The following ZNF268 variants were observed in gnomAD, a reference collection of about 807,000 sequenced individuals.
ZNF268 encodes zinc finger protein 268.
A neutral mutation model predicts 29.3 loss-of-function variants in ZNF268; 20 were observed. The observed-to-expected ratio is 0.68, with a 90% CI of 0.48 to 0.99. The LOEUF (loss-of-function observed/expected upper bound fraction) is 0.99, where lower values mean the gene tolerates loss of function less well. Among genes scored for constraint, ZNF268 ranks in the 50% least tolerant of loss-of-function variants. The probability of loss-of-function intolerance (pLI) is 0.00; values close to 1 mark genes in which losing one functional copy is unlikely to be tolerated. For synonymous variants in ZNF268, 429 were observed against 376.9 expected (o/e 1.14, Z -1.60); for missense variants, 1,240 against 1,121.6 (o/e 1.11, Z -1.51).
At chr12:133,183,088 G>T (rs938322915) in intron 2 of ZNF268, among the ~76,000 whole-genome samples, 3 of 152,162 alleles carry the variant, frequency 2.0e-5, no homozygotes, top group African/African-American at 7.2e-5. Flanking sequence ...GATCTAGGTT[G>T]CGCACTTCTT....
At position 133,210,204 on chromosome 12, in the gene ZNF268, C is replaced by T. The variant is rs530073540; in HGVS notation, c.*5674C>T. ...TGAGATGACATCGCCCCAGATTGGT[C>T]CGGAAAGTGCACTGGTCGTCACTGT... On this transcript the variant is annotated 3_prime_UTR_variant, in exon 6 of 6. Coordinates refer to ENST00000536435, the MANE Select transcript of ZNF268 (RefSeq NM_003415.3). 1.3e-5 allele frequency: 2 copies of T among 152,538 alleles called. No individual in the cohort carries two copies. The highest frequency in any genetic ancestry group is 3.9e-4 in the East Asian group (2 of 5,184). 9.4% of individuals were successfully genotyped at this position (152,538 alleles called of 1,614,324 possible).
chr12:133,200,522 G>A (rs1023877296), intron 5 of ZNF268, among the ~76,000 whole-genome samples: 5 of 152,150 alleles, frequency 3.3e-5, no homozygotes, highest in African/African-American at 1.2e-4. Flanking sequence ...GGGGTGGAGA[G>A]TTCTGTAGAT....
At position 133,203,190 on chromosome 12, in the gene ZNF268, T is replaced by C; in HGVS notation, c.1504T>C (p.Cys502Arg). The change falls in exon 6 of 6, where the codon TGC becomes CGC. Residue 502 changes from cysteine to arginine, a missense_variant. By Grantham distance (180) the Cys-to-Arg change is radical. Coordinates refer to ENST00000536435, the MANE Select transcript of ZNF268 (RefSeq NM_003415.3). ...RSHTGMKPYV[C>R]NECGKAFRSK... ...TCACACAGGAATGAAACCTTATGTATGCAATGAATGTGGCAAAGCCTTCAG... is the reference window on the plus strand; with the variant it reads ...TCACACAGGAATGAAACCTTATGTACGCAATGAATGTGGCAAAGCCTTCAG... 1 of 1,537,840 alleles carries C rather than the reference T, an allele frequency of 6.5e-7. No homozygotes were observed. The highest frequency in any genetic ancestry group is 8.7e-7 in the Non-Finnish European group (1 of 1,146,842).
chr12:133,187,452 C>G (rs1956350945), intron 2 of ZNF268, among the ~76,000 whole-genome samples: 1 of 151,760 alleles, frequency 6.6e-6, no homozygotes, highest in South Asian at 2.1e-4. Flanking sequence ...TTTATGTGGT[C>G]AGATATTTTG....
At chr12:133,181,749 T>C in intron 1 of ZNF268, 63 bp downstream of exon 1, 1 of 555,704 alleles carries the variant, frequency 1.8e-6, no homozygotes, top group Non-Finnish European at 3.2e-6. Context: ...CTTAGCTCTC[T>C]CCTGCTGCTG....
chr12:133,182,920 C>G (rs1352966933), intron 2 of ZNF268, among the ~76,000 whole-genome samples: 2 of 152,202 alleles, frequency 1.3e-5, no homozygotes, highest in African/African-American at 4.8e-5. Context: ...AACCCCCACG[C>G]TTCAGACTGG....
chr12:133,184,758 A>G (rs968383216), intron 2 of ZNF268: 19 of 445,650 alleles, frequency 4.3e-5, no homozygotes, highest in Non-Finnish European at 7.7e-5. Flanking sequence ...CTGGGATTAC[A>G]GGTGCGCACC....
chr12:133,194,529 G>A (rs1465522301), intron 5 of ZNF268, among the ~76,000 whole-genome samples: 11 of 152,164 alleles, frequency 7.2e-5, no homozygotes, highest in Admixed American at 2.6e-4. Context: ...CTTCACACAC[G>A]AGTCTGTCAG....
chr12:133,192,751 G>A (rs1235542312), intron 5 of ZNF268, among the ~76,000 whole-genome samples: 1 of 151,744 alleles, frequency 6.6e-6, no homozygotes, highest in Admixed American at 6.6e-5. Flanking sequence ...CTCACTGCAA[G>A]CTCTGCCTCC....
intron 1 of ZNF268, 45 bp downstream of exon 1, chr12:133,181,731 T>G: frequency 2.0e-6 from 1 of 503,366 alleles, no homozygotes; most frequent in Non-Finnish European, 3.6e-6. Context: ...GGGACAGAAC[T>G]AATCTGCCTT....
At chr12:133,191,331 A>G in intron 3 of ZNF268, 158 bp from the exon 4 acceptor site, 1 of 800,740 alleles carries the variant, frequency 1.2e-6, no homozygotes, top group Non-Finnish European at 1.9e-6. Context: ...AAAAAAAAAA[A>G]AGAAAGAAAG....
At position 133,191,483 on chromosome 12, in the gene ZNF268, T is replaced by C. The variant is rs772282114; in HGVS notation, c.235-6T>C. ...CTTGAAATTGGATGAGCATATTGTATTTCAGGGACCTTTGTCATTCATGGA... is the reference window on the plus strand; with the variant it reads ...CTTGAAATTGGATGAGCATATTGTACTTCAGGGACCTTTGTCATTCATGGA... On this transcript the variant is annotated splice_polypyrimidine_tract_variant and splice_region_variant and intron_variant, in intron 3 of 5. Transcript: ENST00000536435. 1.4e-5 allele frequency: 22 copies of C among 1,613,872 alleles called. No homozygotes were observed. Among genetic ancestry groups the C allele is most frequent in the Non-Finnish European group, 1.6e-5 (19 of 1,179,890 alleles).
intron 5 of ZNF268, among the ~76,000 whole-genome samples, chr12:133,197,335 A>G (rs1018182122): frequency 1.4e-4 from 21 of 149,956 alleles, no homozygotes; most frequent in South Asian, 4.2e-4. Context: ...ATGATTTCCA[A>G]TTTCATCCAT....
chr12:133,214,357 C>G lies in ZNF268; in HGVS notation c.*9827C>G, dbSNP rs908021471. ...CTGCTATGACTGACCCTTGCTACAA[C>G]GTGGAGGAACCTCAGAAACATTGTG... On this transcript the variant is annotated 3_prime_UTR_variant, in exon 6 of 6. Transcript: ENST00000536435. 1.3e-5 allele frequency: 2 copies of G among 152,096 alleles called. No individual in the cohort carries two copies. Among genetic ancestry groups the G allele is most frequent in the Non-Finnish European group, 2.9e-5 (2 of 68,028 alleles). 9.4% of individuals were successfully genotyped at this position (152,096 alleles called of 1,614,324 possible). A position where few individuals can be genotyped will look rare whatever the true frequency, so the allele number is the denominator to read the frequency against.
At chr12:133,197,119 G>A (rs1358455547) in intron 5 of ZNF268, among the ~76,000 whole-genome samples, 2 of 149,592 alleles carry the variant, frequency 1.3e-5, no homozygotes, top group Non-Finnish European at 3.0e-5. Flanking sequence ...CATGTGCCAT[G>A]CTAGTGTGCT....
intron 5 of ZNF268, among the ~76,000 whole-genome samples, chr12:133,200,181 C>T (rs1956716705): frequency 6.6e-6 from 1 of 152,130 alleles, no homozygotes; most frequent in African/African-American, 2.4e-5. Context: ...ATAAATTTCC[C>T]TCTACACACT....
At position 133,209,279 on chromosome 12, in the gene ZNF268, T is replaced by G. The variant is rs1342307800; in HGVS notation, c.*4749T>G. Reference sequence around the variant, plus strand: ...TTTGCTAAAGGGCCAGGTAGAGTTATTTATTTCTTGTAGAGATGGGGTTTT... The same window carrying G: ...TTTGCTAAAGGGCCAGGTAGAGTTAGTTATTTCTTGTAGAGATGGGGTTTT... On this transcript the variant is annotated 3_prime_UTR_variant, in exon 6 of 6. Coordinates refer to ENST00000536435, the MANE Select transcript of ZNF268 (RefSeq NM_003415.3). The G allele has an allele frequency of 1.3e-5, 2 of 152,170 alleles. No homozygotes were observed. Among genetic ancestry groups the G allele is most frequent in the Non-Finnish European group, 2.9e-5 (2 of 68,072 alleles). 9.4% of individuals were successfully genotyped at this position (152,170 alleles called of 1,614,324 possible).
In ZNF268 at chr12:133,208,565, G is replaced by A. The variant is rs555736100; in HGVS notation, c.*4035G>A. 8 of 152,318 alleles carry A rather than the reference G, an allele frequency of 5.3e-5. No individual in the cohort carries two copies. The East Asian group carries it at 1.5e-3, about 29-fold the overall frequency. 9.4% of individuals were successfully genotyped at this position (152,318 alleles called of 1,614,324 possible). A position where few individuals can be genotyped will look rare whatever the true frequency, so the allele number is the denominator to read the frequency against. ...ACCTACTGAGGAGGCTGAGGCAGGA[G>A]GTTAGCTTGAGTCCAGTAGTTCAAG... On this transcript the variant is annotated 3_prime_UTR_variant, in exon 6 of 6. Transcript: ENST00000536435.
At chr12:133,181,717 G>T (rs1956180397) in intron 1 of ZNF268, 31 bp downstream of exon 1, 3 of 431,914 alleles carry the variant, frequency 6.9e-6, no homozygotes, top group Non-Finnish European at 1.3e-5. Flanking sequence ...CAAGGCGGCG[G>T]GACGGGACAG....
Sources: gnomAD v4.1 joint callset for allele counts (sites outside exome capture counted in the v4.1 genomes callset) on GRCh38, gnomAD v4.1.1 for gene constraint, MANE v1.5 for transcripts, NCBI Gene and HGNC (gene_info 2026-07-23, HGNC 2026-07-21) for gene names.